RSL24D1: variants seen among roughly 807,000 people sequenced by gnomAD.
RSL24D1 encodes probable ribosome biogenesis protein RLP24.
RSL24D1 carries 6 observed loss-of-function variants against 26.2 expected under a neutral mutation model. The observed-to-expected ratio is 0.23, with a 90% CI of 0.13 to 0.45. The LOEUF (loss-of-function observed/expected upper bound fraction) is 0.45, where lower values mean the gene tolerates loss of function less well. Ranked by LOEUF, RSL24D1 falls within the 20% of genes least tolerant of loss-of-function variation. The probability of loss-of-function intolerance (pLI) is 0.99; values close to 1 mark genes in which losing one functional copy is unlikely to be tolerated. For missense variants in RSL24D1, 176 were observed against 202.6 expected, an observed-to-expected ratio of 0.87 and a Z score of 0.80; for synonymous variants, 61 against 59.1, an observed-to-expected ratio of 1.03 and a Z score of -0.15.
intron 5 of RSL24D1, 37 bp downstream of exon 5, chr15:55,183,278 A>C (rs1318641392): frequency 1.3e-6 from 2 of 1,529,558 alleles, no homozygotes; most frequent in African/African-American, 2.8e-5. Context: ...CCAAATACAC[A>C]GACCACAAAA....
chr15:55,182,309 G>A (rs1894177056), intron 5 of RSL24D1, 84 bp from the exon 6 acceptor site: 1 of 881,128 alleles, frequency 1.1e-6, no homozygotes, highest in Non-Finnish European at 1.9e-6. Context: ...AAAGGATCTT[G>A]CATGTTTTCA....
chr15:55,196,117 T>C (rs967548159), intron 1 of RSL24D1, among the ~76,000 whole-genome samples: 6 of 152,210 alleles, frequency 3.9e-5, no homozygotes, highest in African/African-American at 1.4e-4. Flanking sequence ...CTCATATTTA[T>C]TATTTACGTT....
At chr15:55,191,647 C>T (rs527824144) in intron 2 of RSL24D1, among the ~76,000 whole-genome samples, 2 of 152,308 alleles carry the variant, frequency 1.3e-5, no homozygotes, top group South Asian at 4.1e-4. Context: ...TTGCTAGTGG[C>T]TGGTATTTTT....
In RSL24D1 at chr15:55,183,305, T is replaced by C. The variant is rs558092235; in HGVS notation, c.418+10A>G. ...ACCACAAAAATCTAGATGTGCAATG[T>C]AGTACTCACCTGCAAGAGGGGCTCG... On this transcript the variant is annotated intron_variant, in intron 5 of 5. Coordinates refer to ENST00000260443, the MANE Select transcript of RSL24D1 (RefSeq NM_016304.3). The C allele has an allele frequency of 2.5e-6, 4 of 1,608,470 alleles. No homozygotes were observed. The highest frequency in any genetic ancestry group is 4.5e-5 in the East Asian group (2 of 44,850).
intron 2 of RSL24D1, chr15:55,192,348 A>C (rs914928614): frequency 6.1e-6 from 1 of 164,530 alleles, no homozygotes; most frequent in Non-Finnish European, 1.3e-5. Flanking sequence ...TCTCAGATAC[A>C]AAGTCCTGCT....
chr15:55,189,126 G>A (rs1471032540), intron 3 of RSL24D1, among the ~76,000 whole-genome samples: 3 of 150,280 alleles, frequency 2.0e-5, no homozygotes, highest in African/African-American at 7.4e-5. Context: ...CCGGGAGGCG[G>A]AGATTGCAGT....
intron 3 of RSL24D1, among the ~76,000 whole-genome samples, chr15:55,188,837 T>G (rs375937973): frequency 1.3e-5 from 2 of 151,562 alleles, no homozygotes; most frequent in Admixed American, 6.5e-5. Context: ...AGCTGCTGTC[T>G]TCAAGTAATA....
intron 1 of RSL24D1, 55 bp downstream of exon 1, chr15:55,196,755 C>A (rs1211072574): frequency 6.4e-7 from 1 of 1,571,608 alleles, no homozygotes; most frequent in African/African-American, 1.4e-5. Context: ...CGAGCCGCCG[C>A]GCCCAGGAAC....
chr15:55,186,114 G>A (rs1894221266), intron 3 of RSL24D1, among the ~76,000 whole-genome samples: 1 of 152,028 alleles, frequency 6.6e-6, no homozygotes, highest in Non-Finnish European at 1.5e-5. Flanking sequence ...CACTCAACAT[G>A]CAATCTATAT....
intron 1 of RSL24D1, chr15:55,196,415 C>T (rs750537548): frequency 2.1e-6 from 1 of 473,770 alleles, no homozygotes; most frequent in South Asian, 1.5e-5. Flanking sequence ...TCAACCTCTA[C>T]ACTTTAGTAT....
intron 4 of RSL24D1, among the ~76,000 whole-genome samples, chr15:55,184,243 A>G (rs1033498001): frequency 1.1e-4 from 16 of 152,074 alleles, no homozygotes; most frequent in African/African-American, 3.6e-4. Flanking sequence ...GCTATAAAAC[A>G]TGAATGCACT....
chr15:55,183,776 G>GT (rs937365361), intron 4 of RSL24D1, among the ~76,000 whole-genome samples: 2 of 152,022 alleles, frequency 1.3e-5, no homozygotes, highest in Admixed American at 6.5e-5. Flanking sequence ...TTTTTAGTTC[G>GT]TAATTAGCTC....
In RSL24D1 at chr15:55,191,036, A is replaced by G. The variant is rs771321577; in HGVS notation, c.207T>C (p.Phe69=). The G allele has an allele frequency of 3.1e-6, 5 of 1,602,840 alleles. No homozygotes were observed. The African/African-American group carries it at 6.7e-5, about 22-fold the overall frequency. The change falls in exon 3 of 6, where the codon TTT becomes TTC. Residue 69 remains phenylalanine (F), a synonymous_variant. Coordinates refer to ENST00000260443, the MANE Select transcript of RSL24D1 (RefSeq NM_016304.3). ...GTTCATTTCTACGTTTTTCAAATTCAAATGAATTATCCTGTAAGAGGGAAC... is the reference window on the plus strand; with the variant it reads ...GTTCATTTCTACGTTTTTCAAATTCGAATGAATTATCCTGTAAGAGGGAAC... ...AGKELTVDNS[F]EFEKRRNEPI...
intron 1 of RSL24D1, chr15:55,196,261 G>A (rs1336562884): frequency 2.2e-6 from 1 of 448,778 alleles, no homozygotes; most frequent in African/African-American, 2.0e-5. Context: ...CCACTTAGAA[G>A]GCCCCCTCCG....
rs1417901384 is a variant in RSL24D1 at position 55,180,813 on chromosome 15, C to G, written c.*1339G>C. ...TTGTTTCCTAATAAAACGTAACTTT[C>G]AAAATGTTTATTTCTTTAAAAAATG... is the stretch of plus-strand genomic sequence containing the variant. On this transcript the variant is annotated 3_prime_UTR_variant, in exon 6 of 6. Coordinates refer to ENST00000260443, the MANE Select transcript of RSL24D1 (RefSeq NM_016304.3). The G allele has an allele frequency of 6.6e-6, 1 of 152,104 alleles. No individual in the cohort carries two copies. Among genetic ancestry groups the G allele is most frequent in the Non-Finnish European group, 1.5e-5 (1 of 68,006 alleles). 9.4% of individuals were successfully genotyped at this position (152,104 alleles called of 1,614,324 possible).
At chr15:55,195,272 G>A (rs1894343161) in intron 1 of RSL24D1, 1 of 152,106 alleles carries the variant, frequency 6.6e-6, no homozygotes. Flanking sequence ...AGGTACTAAG[G>A]AATTCTCTTT....
chr15:55,185,873 A>G (rs1030701019), intron 3 of RSL24D1, among the ~76,000 whole-genome samples: 2 of 152,142 alleles, frequency 1.3e-5, no homozygotes, highest in African/African-American at 4.8e-5. Flanking sequence ...AATCAATACT[A>G]CTAAGTTCTC....
chr15:55,191,695 C>A (rs2140596171), intron 2 of RSL24D1, among the ~76,000 whole-genome samples: 1 of 152,228 alleles, frequency 6.6e-6, no homozygotes, highest in Admixed American at 6.5e-5. Flanking sequence ...ACACACAAAA[C>A]AATTTTGGAA....
At chr15:55,183,042 G>A (rs1409447248) in intron 5 of RSL24D1, among the ~76,000 whole-genome samples, 1 of 152,080 alleles carries the variant, frequency 6.6e-6, no homozygotes, top group Non-Finnish European at 1.5e-5. Flanking sequence ...CAATACAAGT[G>A]CAAGACAAAA....
Sources: gnomAD v4.1 joint callset for allele counts (sites outside exome capture counted in the v4.1 genomes callset) on GRCh38, gnomAD v4.1.1 for gene constraint, MANE v1.5 for transcripts, NCBI Gene and HGNC (gene_info 2026-07-23, HGNC 2026-07-21) for gene names.